Variants in SH3PXD2A observed in about 807,000 individuals in gnomAD.
SH3PXD2A encodes the protein SH3 and PX domains 2A.
In SH3PXD2A, 32 loss-of-function variants were observed where a neutral mutation model predicts 115.2. That is an observed-to-expected ratio of 0.28 (90% CI 0.21 to 0.37). The LOEUF (loss-of-function observed/expected upper bound fraction) is 0.37, where lower values mean the gene tolerates loss of function less well. Among genes scored for constraint, SH3PXD2A ranks in the 10% least tolerant of loss-of-function variants. The probability of loss-of-function intolerance (pLI) is 1.00; values close to 1 mark genes in which losing one functional copy is unlikely to be tolerated. For synonymous variants in SH3PXD2A, 610 were observed against 629.1 expected (o/e 0.97, Z 0.45); for missense variants, 1,328 against 1,498.7 (o/e 0.89, Z 1.88).
chr10:103,810,659 C>T (rs1025736185), intron 1 of SH3PXD2A, among the ~76,000 whole-genome samples: 7 of 152,014 alleles, frequency 4.6e-5, no homozygotes, highest in African/African-American at 9.7e-5. Flanking sequence ...CATGGGGCAC[C>T]GAGCACAGGG....
chr10:103,710,700 A>G (rs1205223938), intron 5 of SH3PXD2A, among the ~76,000 whole-genome samples: 3 of 152,104 alleles, frequency 2.0e-5, no homozygotes, highest in Non-Finnish European at 4.4e-5. Flanking sequence ...ATATGCCACA[A>G]GTGAGACGTC....
Position 103,791,709 on chromosome 10 carries a change from C to T in SH3PXD2A, c.153+9573G>A, listed in dbSNP as rs575611450. ...GCTTGGAACCAGGTCCCGAGTTGCTCTGGACCTGAGAGGCCCCCACAAGCA... is the reference window on the plus strand; with the variant it reads ...GCTTGGAACCAGGTCCCGAGTTGCTTTGGACCTGAGAGGCCCCCACAAGCA... On this transcript the variant is annotated intron_variant, in intron 2 of 14. Coordinates refer to ENST00000369774, the MANE Select transcript of SH3PXD2A (RefSeq NM_001394015.1). Among the ~76,000 whole-genome samples, 23 of 152,130 alleles carry T rather than the reference C, an allele frequency of 1.5e-4. No individual in the cohort carries two copies. The East Asian group carries it at 4.3e-3, about 28-fold the overall frequency.
intron 3 of SH3PXD2A, among the ~76,000 whole-genome samples, chr10:103,751,051 T>C (rs913060333): frequency 1.3e-5 from 2 of 152,128 alleles, no homozygotes; most frequent in Non-Finnish European, 2.9e-5. Flanking sequence ...CCCAGACCAA[T>C]AGAATGCAGA....
At chr10:103,769,177 TGTGTGCGCGCGC>T (rs1187402515) in intron 2 of SH3PXD2A, among the ~76,000 whole-genome samples, 7 of 112,570 alleles carry the variant, frequency 6.2e-5, no homozygotes, top group African/African-American at 2.3e-4. Context: ...TGTGTGTGTG[TGTGTGCGCGCGC>T]GCGCGCATTT....
At chr10:103,643,555 G>A (rs942597952) in intron 8 of SH3PXD2A, among the ~76,000 whole-genome samples, 2 of 152,196 alleles carry the variant, frequency 1.3e-5, no homozygotes, top group Non-Finnish European at 2.9e-5. Context: ...GCAAGTTCTA[G>A]CAAGATTCTA....
intron 2 of SH3PXD2A, among the ~76,000 whole-genome samples, chr10:103,792,687 G>A (rs942815627): frequency 6.6e-6 from 1 of 152,182 alleles, no homozygotes; most frequent in African/African-American, 2.4e-5. Context: ...CCTGGCCCTG[G>A]AGCACATGCC....
chr10:103,783,708 A>C (rs531278294), intron 2 of SH3PXD2A, among the ~76,000 whole-genome samples: 1 of 152,338 alleles, frequency 6.6e-6, no homozygotes, highest in East Asian at 1.9e-4. Flanking sequence ...GACGTCTCCT[A>C]TAACTTCTTT....
At chr10:103,749,299 C>A (rs915968804) in intron 3 of SH3PXD2A, among the ~76,000 whole-genome samples, 4 of 152,202 alleles carry the variant, frequency 2.6e-5, no homozygotes, top group Non-Finnish European at 4.4e-5. Flanking sequence ...ACCCCAGAGG[C>A]CATCTTGTCC....
intron 6 of SH3PXD2A, among the ~76,000 whole-genome samples, chr10:103,671,423 C>A (rs1479213543): frequency 6.6e-6 from 1 of 152,220 alleles, no homozygotes; most frequent in Non-Finnish European, 1.5e-5. Flanking sequence ...ATAAGCAGGC[C>A]TTCCCGTATC....
intron 5 of SH3PXD2A, among the ~76,000 whole-genome samples, chr10:103,697,750 C>A (rs946296956): frequency 6.6e-6 from 1 of 152,216 alleles, no homozygotes; most frequent in Non-Finnish European, 1.5e-5. Flanking sequence ...TGGCCAGACA[C>A]GCTGTGCTCC....
Position 103,627,391 on chromosome 10 carries a change from G to A in SH3PXD2A, c.605-189C>T, listed in dbSNP as rs368250372. Among the ~76,000 whole-genome samples the A allele has an allele frequency of 1.0e-3, 154 of 152,328 alleles. 1 individual carries two copies. The highest frequency in any genetic ancestry group is 3.2e-3 in the African/African-American group (134 of 41,566). Reference sequence around the variant, plus strand: ...CCTGCGTCTGTTCTAAGGCAGAAACGACCAGCACACTTCCCGAGAAGTGGG... The same window carrying A: ...CCTGCGTCTGTTCTAAGGCAGAAACAACCAGCACACTTCCCGAGAAGTGGG... On this transcript the variant is annotated intron_variant, in intron 8 of 14. Coordinates refer to ENST00000369774, the MANE Select transcript of SH3PXD2A (RefSeq NM_001394015.1). This position sits in a 1 kb window ranked among gnomAD's most constrained non-coding sequence, Gnocchi z 4.4.
rs781557663 is a variant in SH3PXD2A at position 103,665,177 on chromosome 10, G to A, written c.472+3431C>T. On this transcript the variant is annotated intron_variant, in intron 7 of 14. Coordinates refer to ENST00000369774, the MANE Select transcript of SH3PXD2A (RefSeq NM_001394015.1). This position sits in a 1 kb window ranked among gnomAD's most constrained non-coding sequence, Gnocchi z 4.0. ...GAATATGGGAAAATGAGCCAAACTC[G>A]AAGGGAGAAAGGGGAGATGGGGAAA... Among the ~76,000 whole-genome samples, 5 of 152,188 alleles carry A rather than the reference G, an allele frequency of 3.3e-5. No individual in the cohort carries two copies. Among genetic ancestry groups the A allele is most frequent in the South Asian group, 2.1e-4 (1 of 4,826 alleles).
chr10:103,826,903 G>A (rs896585383), intron 1 of SH3PXD2A, among the ~76,000 whole-genome samples: 2 of 152,184 alleles, frequency 1.3e-5, no homozygotes, highest in Non-Finnish European at 2.9e-5. Context: ...GTCACCATTA[G>A]GTAATTAGGA....
intron 5 of SH3PXD2A, among the ~76,000 whole-genome samples, chr10:103,718,852 C>T (rs923711652): frequency 6.6e-6 from 1 of 151,462 alleles, no homozygotes; most frequent in Non-Finnish European, 1.5e-5. Flanking sequence ...TGCTAGGGAC[C>T]AAATGTTTGT....
intron 5 of SH3PXD2A, among the ~76,000 whole-genome samples, chr10:103,701,920 C>T (rs956864706): frequency 6.6e-6 from 1 of 151,502 alleles, no homozygotes; most frequent in Non-Finnish European, 1.5e-5. Flanking sequence ...TATCATCCAA[C>T]CACCATCCAT....
At chr10:103,645,956 G>T (rs750852309) in intron 8 of SH3PXD2A, among the ~76,000 whole-genome samples, 5 of 152,204 alleles carry the variant, frequency 3.3e-5, no homozygotes. Context: ...GACCTGAACC[G>T]TCTGGCCCTT....
At chr10:103,769,695 G>A (rs1475314847) in intron 2 of SH3PXD2A, among the ~76,000 whole-genome samples, 1 of 152,062 alleles carries the variant, frequency 6.6e-6, no homozygotes, top group East Asian at 1.9e-4. Flanking sequence ...GGCTCCCAAA[G>A]TGCTGGGATT....
chr10:103,745,260 T>C lies in SH3PXD2A; in HGVS notation c.230-9452A>G, dbSNP rs182240465. 1.4e-4 allele frequency among the ~76,000 whole-genome samples: 22 copies of C among 152,368 alleles called. 1 individual carries two copies. Among genetic ancestry groups the C allele is most frequent in the African/African-American group, 5.3e-4 (22 of 41,586 alleles). On this transcript the variant is annotated intron_variant, in intron 3 of 14. Transcript: ENST00000369774. ...CTTAAGAGACACAGATTTGGTCCCC[T>C]AGATCCAGCTATGCCTGAAACCATT...
chr10:103,651,712 A>T (rs1001899400), intron 8 of SH3PXD2A, among the ~76,000 whole-genome samples: 6 of 152,208 alleles, frequency 3.9e-5, no homozygotes, highest in Admixed American at 1.3e-4. Context: ...ATATCTTGTA[A>T]AACATAAAAT....
Sources: gnomAD v4.1 joint callset for allele counts (sites outside exome capture counted in the v4.1 genomes callset) on GRCh38, gnomAD v4.1.1 for gene constraint, Gnocchi (gnomAD v3.1) non-coding constraint, MANE v1.5 for transcripts, NCBI Gene and HGNC (gene_info 2026-07-23, HGNC 2026-07-21) for gene names.